Variants in IL1RL2 observed in about 807,000 individuals in gnomAD.
The protein encoded by IL1RL2 is interleukin 1 receptor like 2, also known as interleukin-1 receptor-like 2.
Under a neutral mutation model 66.8 loss-of-function variants are expected in IL1RL2, and 68 were observed. The observed-to-expected ratio is 1.02, with a 90% CI of 0.84 to 1.25. The LOEUF (loss-of-function observed/expected upper bound fraction) is 1.25. Among genes scored for constraint, IL1RL2 ranks in the 50% most tolerant of loss-of-function variants. The pLI is 0.00. For missense variants in IL1RL2, 729 were observed against 709.3 expected (o/e 1.03, Z -0.32); for synonymous variants, 305 against 264.6 (o/e 1.15, Z -1.48).
chr2:102,220,926 T>C (rs1690070420), intron 8 of IL1RL2, among the ~76,000 whole-genome samples: 2 of 152,214 alleles, frequency 1.3e-5, no homozygotes, highest in African/African-American at 4.8e-5. Context: ...TTACCTCCCT[T>C]AGAATTGCAG....
chr2:102,225,587 T>A (rs1690527580), intron 8 of IL1RL2, among the ~76,000 whole-genome samples: 1 of 152,176 alleles, frequency 6.6e-6, no homozygotes, highest in Non-Finnish European at 1.5e-5. Context: ...GACGTGTGTG[T>A]TTTGAAAGCA....
In IL1RL2 at chr2:102,201,729, T is replaced by C. The variant is rs761209838; in HGVS notation, c.649+14T>C. 61 of 1,609,782 alleles carry C rather than the reference T, an allele frequency of 3.8e-5. No homozygotes were observed. The Middle Eastern group carries it at 5.3e-4, about 14-fold the overall frequency. ...CTGTGAGCATTAGTAAGTATGCTCATGTATGCCTGTCGCCTTGTATTCTCT... is the reference window on the plus strand; with the variant it reads ...CTGTGAGCATTAGTAAGTATGCTCACGTATGCCTGTCGCCTTGTATTCTCT... On this transcript the variant is annotated intron_variant, in intron 5 of 11. Transcript: ENST00000264257.
At chr2:102,238,373 G>A (rs111309637) in intron 11 of IL1RL2, among the ~76,000 whole-genome samples, 105 of 152,134 alleles carry the variant, frequency 6.9e-4, no homozygotes, top group Non-Finnish European at 1.3e-3. Flanking sequence ...GTCTTTCCCC[G>A]GAGGACCAAG....
intron 6 of IL1RL2, among the ~76,000 whole-genome samples, 154 bp from the exon 7 acceptor site, chr2:102,218,799 G>A (rs1477048464): frequency 1.3e-5 from 2 of 152,144 alleles, no homozygotes; most frequent in Non-Finnish European, 2.9e-5. Flanking sequence ...TCCAGGGAAA[G>A]AAAAAAGTAG....
chr2:102,235,393 G>A (rs951927834), intron 11 of IL1RL2, 116 bp downstream of exon 11: 152 of 1,491,636 alleles, frequency 1.0e-4, no homozygotes, highest in Non-Finnish European at 1.3e-4. Flanking sequence ...TCTGAAGCTG[G>A]CAGTTGCGTA....
rs1268515935 is a variant in IL1RL2 at position 102,235,639 on chromosome 2, TAG to T, written c.1678+365_1678+366del. On this transcript the variant is annotated intron_variant, in intron 11 of 11. Transcript: ENST00000264257. ...AAGTTTGCCCATGATGTGGCACCCA[TAG>T]AGTCTGAGATGGGAGCCTGTGCTGT... 19 of 985,304 alleles carry T rather than the reference TAG, an allele frequency of 1.9e-5. No individual in the cohort carries two copies. In the East Asian group the frequency reaches 1.7e-3, roughly 88 times the overall value. The allele number at this position is 985,304 out of a possible 1,614,324, so 61.0% of individuals were successfully genotyped here. A position where few individuals can be genotyped will look rare whatever the true frequency, so the allele number is the denominator to read the frequency against.
intron 1 of IL1RL2, chr2:102,187,486 C>A: frequency 1.2e-6 from 1 of 806,714 alleles, no homozygotes; most frequent in Non-Finnish European, 1.7e-6. Flanking sequence ...CGTCTGGAAC[C>A]CAGGCCGCAG....
chr2:102,192,597 G>C (rs987528764), intron 4 of IL1RL2, among the ~76,000 whole-genome samples: 1 of 151,230 alleles, frequency 6.6e-6, no homozygotes, highest in African/African-American at 2.5e-5. Flanking sequence ...AAAATATATA[G>C]TCTAGCTCTT....
intron 5 of IL1RL2, among the ~76,000 whole-genome samples, chr2:102,207,195 T>G (rs1460659367): frequency 1.3e-5 from 2 of 151,790 alleles, no homozygotes; most frequent in Admixed American, 1.3e-4. Flanking sequence ...AAGATTCAAG[T>G]CCCAGAATCA....
At chr2:102,234,745 T>A in intron 10 of IL1RL2, 152 bp from the exon 11 acceptor site, 1 of 677,138 alleles carries the variant, frequency 1.5e-6, no homozygotes, top group Non-Finnish European at 2.5e-6. Context: ...TGAGATTGCA[T>A]CCCTGCACTC....
intron 8 of IL1RL2, among the ~76,000 whole-genome samples, chr2:102,221,155 C>T (rs1251932129): frequency 1.3e-5 from 2 of 152,172 alleles, no homozygotes; most frequent in African/African-American, 4.8e-5. Context: ...CATTTTTTCT[C>T]TTCTCACTGG....
chr2:102,234,588 G>A (rs1446264057), intron 10 of IL1RL2, among the ~76,000 whole-genome samples: 1 of 152,140 alleles, frequency 6.6e-6, no homozygotes, highest in Non-Finnish European at 1.5e-5. Flanking sequence ...GAGGTCAGGA[G>A]TTCAACACCA....
rs1013048086 is a variant in IL1RL2 at position 102,195,888 on chromosome 2, T to A, written c.489+3768T>A. 2.6e-5 allele frequency among the ~76,000 whole-genome samples: 4 copies of A among 151,606 alleles called. No individual in the cohort carries two copies. In the East Asian group the frequency reaches 7.8e-4, roughly 29 times the overall value. ...ACCACTATGACTGGCTAATTTTTGG[T>A]ATTTTTACTAGAGACAGGATTTCAC... On this transcript the variant is annotated intron_variant, in intron 4 of 11. Transcript: ENST00000264257.
intron 9 of IL1RL2, among the ~76,000 whole-genome samples, chr2:102,232,197 C>T (rs531892543): frequency 1.4e-4 from 21 of 150,208 alleles, no homozygotes; most frequent in Non-Finnish European, 2.1e-4. Flanking sequence ...CTGAAACCTT[C>T]GCCTCCCAGG....
In IL1RL2 at chr2:102,195,647, CTTTCTTTCTTTCTT is replaced by C. The variant is rs772345656; in HGVS notation, c.489+3529_489+3542del. Among the ~76,000 whole-genome samples the C allele has an allele frequency of 9.6e-3, 530 of 55,230 alleles. 33 individuals are homozygous for C. Among genetic ancestry groups the C allele is most frequent in the African/African-American group, 0.017 (300 of 17,352 alleles). The allele number at this position is 55,230 out of a possible 152,430, so 36.2% of individuals were successfully genotyped here. The stretch of plus-strand genomic sequence containing the variant: ...TTTCTTTCTCTCTCTCTCTCTCTCT[CTTTCTTTCTTTCTT>C]TCTTTCTTTCTTTCTTTCTTTCTTC... On this transcript the variant is annotated intron_variant, in intron 4 of 11. Transcript: ENST00000264257.
rs756206562 is a variant in IL1RL2, at chr2:102,189,075, G to C, written c.59-1G>C. ...GTTTTGTTTTGTTTTTCTTTCCCTA[G>C]ATGGATGCAAGGACATTTTTATGAA... On this transcript the variant is annotated splice_acceptor_variant, in intron 2 of 11. Transcript: ENST00000264257. LOFTEE classifies it high-confidence loss of function. The C allele has an allele frequency of 6.2e-7, 1 of 1,610,090 alleles. No individual in the cohort carries two copies. Among genetic ancestry groups the C allele is most frequent in the Non-Finnish European group, 8.5e-7 (1 of 1,177,060 alleles).
chr2:102,234,786 CA>C (rs879923473), intron 10 of IL1RL2, 110 bp from the exon 11 acceptor site: 21,268 of 722,560 alleles, frequency 0.029, 1 homozygote, highest in South Asian at 0.051. Context: ...GACTTCACTT[CA>C]AAAAAAAAAA....
chr2:102,241,796 A>G (rs905774168), downstream of IL1RL2, among the ~76,000 whole-genome samples: 9 of 152,254 alleles, frequency 5.9e-5, no homozygotes, highest in African/African-American at 2.2e-4. Flanking sequence ...AGGGAAGTGT[A>G]TCACCGGCTG....
downstream of IL1RL2, chr2:102,240,052 TATC>T (rs1363128237): frequency 2.0e-5 from 3 of 152,278 alleles, no homozygotes; most frequent in Admixed American, 2.0e-4. Flanking sequence ...AACATTTTCT[TATC>T]AGTTTAAATA....
Sources: gnomAD v4.1 joint callset for allele counts (sites outside exome capture counted in the v4.1 genomes callset) on GRCh38, gnomAD v4.1.1 for gene constraint, MANE v1.5 for transcripts, NCBI Gene and HGNC (gene_info 2026-07-23, HGNC 2026-07-21) for gene names.